CTDSPL2: variants seen among roughly 807,000 people sequenced by gnomAD.
CTDSPL2 encodes the protein CTD small phosphatase-like protein 2.
A neutral mutation model predicts 60.0 loss-of-function variants in CTDSPL2; 5 were observed. The observed-to-expected ratio is 0.08, with a 90% confidence interval of 0.04 to 0.18. CTDSPL2 has a LOEUF of 0.18. Ranked by LOEUF, CTDSPL2 falls within the 10% of genes least tolerant of loss-of-function variation. The pLI, the probability that CTDSPL2 is intolerant of heterozygous loss-of-function variation, is 1.00. For synonymous variants in CTDSPL2, 186 were observed against 189.3 expected, an observed-to-expected ratio of 0.98 and a Z score of 0.14; for missense variants, 370 against 548.8, an observed-to-expected ratio of 0.67 and a Z score of 3.26.
At chr15:44,461,293 A>G (rs1366839292) in intron 2 of CTDSPL2, among the ~76,000 whole-genome samples, 3 of 152,230 alleles carry the variant, frequency 2.0e-5, no homozygotes, top group East Asian at 1.9e-4. Context: ...TGACTCTCCA[A>G]AAACTTAACA....
chr15:44,430,145 A>G (rs1200751578), intron 1 of CTDSPL2, among the ~76,000 whole-genome samples: 1 of 152,208 alleles, frequency 6.6e-6, no homozygotes, highest in African/African-American at 2.4e-5. Context: ...TCATGAGATT[A>G]TTATATAACA....
rs977350903 is a variant in CTDSPL2, at chr15:44,526,265, C to T, written c.*2091C>T. ...TATGCTCAAACAGCGAAACCCAAAA[C>T]TTAAAAGATCTGAACTTTCAGCATG... is the stretch of plus-strand genomic sequence containing the variant. On this transcript the variant is annotated 3_prime_UTR_variant, in exon 13 of 13. Transcript: ENST00000260327. The T allele has an allele frequency of 3.9e-5, 6 of 152,110 alleles. No individual in the cohort carries two copies. Among genetic ancestry groups the T allele is most frequent in the African/African-American group, 1.4e-4 (6 of 41,436 alleles). 9.4% of individuals were successfully genotyped at this position (152,110 alleles called of 1,614,324 possible). A position where few individuals can be genotyped will look rare whatever the true frequency, so the allele number is the denominator to read the frequency against.
rs575642765 is a variant in CTDSPL2, at chr15:44,498,298, G to T, written c.882+1160G>T. Among the ~76,000 whole-genome samples, 17 of 152,250 alleles carry T rather than the reference G, an allele frequency of 1.1e-4. 1 individual carries two copies. The highest frequency in any genetic ancestry group is 4.4e-5 in the Non-Finnish European group (3 of 68,020). On this transcript the variant is annotated intron_variant, in intron 7 of 12. Coordinates refer to ENST00000260327, the MANE Select transcript of CTDSPL2 (RefSeq NM_016396.3). The stretch of plus-strand genomic sequence containing the variant: ...TTGGTACCCTATATTTGGAGATGTG[G>T]TTTAGCTCTCATAGAAAATTTATCT...
chr15:44,482,865 A>G (rs2081052300), intron 2 of CTDSPL2, among the ~76,000 whole-genome samples: 1 of 152,244 alleles, frequency 6.6e-6, no homozygotes, highest in African/African-American at 2.4e-5. Flanking sequence ...TCAATTATAT[A>G]TAATATGTAA....
At chr15:44,438,615 C>T (rs1216849387) in intron 1 of CTDSPL2, among the ~76,000 whole-genome samples, 5 of 151,994 alleles carry the variant, frequency 3.3e-5, no homozygotes, top group Admixed American at 1.3e-4. Flanking sequence ...AGGAAAAATA[C>T]GGTAGGAAGA....
At chr15:44,462,348 G>A (rs781212440) in intron 2 of CTDSPL2, among the ~76,000 whole-genome samples, 2 of 152,258 alleles carry the variant, frequency 1.3e-5, no homozygotes, top group Admixed American at 6.5e-5. Flanking sequence ...GTCCCCAACC[G>A]TTTTGGCACT....
At position 44,488,777 on chromosome 15, in the gene CTDSPL2, C is replaced by T. The variant is rs535372976; in HGVS notation, c.476-2007C>T. Among the ~76,000 whole-genome samples, 683 of 152,230 alleles carry T rather than the reference C, an allele frequency of 4.5e-3. 4 individuals carry two copies. The highest frequency in any genetic ancestry group is 0.016 in the African/African-American group (650 of 41,548). Reference sequence around the variant, plus strand: ...GAGGTTGCAGTGAGCTGAGATCGCACCATTGCACTCCAGCCTGGGCAACAA... The same window carrying T: ...GAGGTTGCAGTGAGCTGAGATCGCATCATTGCACTCCAGCCTGGGCAACAA... On this transcript the variant is annotated intron_variant, in intron 4 of 12. Transcript: ENST00000260327.
intron 1 of CTDSPL2, among the ~76,000 whole-genome samples, chr15:44,438,467 A>G (rs1267678157): frequency 6.6e-6 from 1 of 152,104 alleles, no homozygotes; most frequent in East Asian, 1.9e-4. Context: ...TTCAGAGGTA[A>G]AATCATCAGG....
intron 4 of CTDSPL2, among the ~76,000 whole-genome samples, chr15:44,487,036 G>A (rs1389683453): frequency 6.6e-6 from 1 of 151,940 alleles, no homozygotes; most frequent in African/African-American, 2.4e-5. Flanking sequence ...CCAAAGTGCT[G>A]GAATTACAGA....
intron 1 of CTDSPL2, chr15:44,448,161 G>A: frequency 1.5e-5 from 4 of 258,322 alleles, no homozygotes; most frequent in South Asian, 7.9e-5. Flanking sequence ...TGTGCTCAAT[G>A]GTTTGGTCCA....
intron 2 of CTDSPL2, among the ~76,000 whole-genome samples, chr15:44,466,811 C>T (rs1344533426): frequency 2.0e-5 from 3 of 150,816 alleles, no homozygotes; most frequent in Admixed American, 6.6e-5. Context: ...TGGTGGCGGG[C>T]GCCTGTAGTC....
intron 10 of CTDSPL2, among the ~76,000 whole-genome samples, chr15:44,515,178 A>G (rs1413087225): frequency 6.6e-6 from 1 of 152,192 alleles, no homozygotes; most frequent in Non-Finnish European, 1.5e-5. Flanking sequence ...TCTCTGAGGT[A>G]ATGCATGTTA....
At chr15:44,492,344 CAAAA>C (rs781707987) in intron 5 of CTDSPL2, among the ~76,000 whole-genome samples, 2 of 151,478 alleles carry the variant, frequency 1.3e-5, no homozygotes, top group Non-Finnish European at 2.9e-5. Flanking sequence ...TTGGGAAAGA[CAAAA>C]GAAAAAAAGA....
Position 44,525,301 on chromosome 15 carries a change from A to G in CTDSPL2, c.*1127A>G, listed in dbSNP as rs2081855070. ...GGCACAGTACACTCCCAAGCCACCA[A>G]TGCAGTTAATATGCTCTCATAGTGG... On this transcript the variant is annotated 3_prime_UTR_variant, in exon 13 of 13. Coordinates refer to ENST00000260327, the MANE Select transcript of CTDSPL2 (RefSeq NM_016396.3). The G allele has an allele frequency of 2.5e-5, 10 of 398,060 alleles. No homozygotes were observed. The highest frequency in any genetic ancestry group is 1.1e-4 in the East Asian group (3 of 28,054). 24.7% of individuals were successfully genotyped at this position (398,060 alleles called of 1,614,324 possible).
chr15:44,432,717 T>G (rs1436746327), intron 1 of CTDSPL2, among the ~76,000 whole-genome samples: 1 of 151,922 alleles, frequency 6.6e-6, no homozygotes, highest in Non-Finnish European at 1.5e-5. Flanking sequence ...CCTCCCAGAT[T>G]CAAGTGATTC....
chr15:44,466,957 A>AAACAT (rs2080709321), intron 2 of CTDSPL2, among the ~76,000 whole-genome samples: 1 of 152,024 alleles, frequency 6.6e-6, no homozygotes, highest in South Asian at 2.1e-4. Flanking sequence ...AAACAAAACA[A>AAACAT]AACATAATGT....
chr15:44,459,173 A>C lies in CTDSPL2; in HGVS notation c.159A>C (p.Lys53Asn). The change falls in exon 2 of 13, where the codon AAA (lysine) becomes AAC (asparagine). Residue 53 changes from lysine (K) to asparagine (N), a missense_variant. Transcript: ENST00000260327. ...KNETGLLSSIKKFIKGSTPKE... is the reference protein window; with the variant it reads ...KNETGLLSSINKFIKGSTPKE... Reference sequence around the variant, plus strand: ...AAACCGGCTTGTTGTCTTCAATTAAAAAATTTATTAAAGGAAGCACACCTA... The same window carrying C: ...AAACCGGCTTGTTGTCTTCAATTAACAAATTTATTAAAGGAAGCACACCTA... 2.5e-6 allele frequency: 4 copies of C among 1,606,894 alleles called. No individual in the cohort carries two copies. The highest frequency in any genetic ancestry group is 3.4e-6 in the Non-Finnish European group (4 of 1,177,390).
At chr15:44,438,137 G>A (rs1375331365) in intron 1 of CTDSPL2, among the ~76,000 whole-genome samples, 2 of 152,140 alleles carry the variant, frequency 1.3e-5, no homozygotes, top group Non-Finnish European at 2.9e-5. Context: ...GGTGGTGGGC[G>A]CCTGTAGTCC....
intron 2 of CTDSPL2, among the ~76,000 whole-genome samples, chr15:44,462,098 T>C (rs901161367): frequency 2.0e-5 from 3 of 152,158 alleles, no homozygotes; most frequent in Non-Finnish European, 4.4e-5. Context: ...TTTGCCACTA[T>C]GTCTGGCTAA....
Sources: gnomAD v4.1 joint callset for allele counts (sites outside exome capture counted in the v4.1 genomes callset) on GRCh38, gnomAD v4.1.1 for gene constraint, MANE v1.5 for transcripts, NCBI Gene and HGNC (gene_info 2026-07-23, HGNC 2026-07-21) for gene names.